Variants in RIPOR3 observed in about 807,000 individuals in gnomAD.
The protein encoded by RIPOR3 is RIPOR family member 3, also known as family with sequence similarity 65 member C.
RIPOR3 carries 95 observed loss-of-function variants against 114.3 expected under a neutral mutation model. The ratio of observed to expected loss-of-function variants is 0.83; its 90% CI spans 0.70 to 0.99. The LOEUF is 0.99. RIPOR3 is among the 50% of genes least tolerant of loss of function. The pLI is 0.00. For synonymous variants in RIPOR3, 575 were observed against 543.8 expected, an observed-to-expected ratio of 1.06 and a Z score of -0.80; for missense variants, 1,252 against 1,266.9, an observed-to-expected ratio of 0.99 and a Z score of 0.18.
In RIPOR3 at chr20:50,602,013, C is replaced by A. The variant is rs2083512429; in HGVS notation, c.1659+59G>T. ...GGCTGCGTGGCCCCAGAGCCCCCGACTCCCAGTCATCATGCCATCAGCAAA... is the reference window on the plus strand; with the variant it reads ...GGCTGCGTGGCCCCAGAGCCCCCGAATCCCAGTCATCATGCCATCAGCAAA... On this transcript the variant is annotated intron_variant, in intron 13 of 21. Coordinates refer to ENST00000327979, the MANE Select transcript of RIPOR3 (RefSeq NM_001290268.2). The surrounding 1 kb of genome is among the most constrained non-coding windows in gnomAD (Gnocchi z 4.3). 2.1e-6 allele frequency: 3 copies of A among 1,420,670 alleles called. No homozygotes were observed. Among genetic ancestry groups the A allele is most frequent in the Non-Finnish European group, 2.8e-6 (3 of 1,084,168 alleles). The allele number at this position is 1,420,670 out of a possible 1,614,324, so 88.0% of individuals were successfully genotyped here.
chr20:50,656,675 CT>C (rs2085823406), intron 1 of RIPOR3, among the ~76,000 whole-genome samples: 1 of 151,326 alleles, frequency 6.6e-6, no homozygotes, highest in South Asian at 2.1e-4. Context: ...AATTTTTGTA[CT>C]TTTAGTAGAG....
Position 50,587,298 on chromosome 20 carries a change from G to C in RIPOR3, c.2787C>G (p.Asp929Glu), listed in dbSNP as rs569970749. The C allele has an allele frequency of 1.4e-5, 22 of 1,614,206 alleles. No homozygotes were observed. The South Asian group carries it at 2.2e-4, about 16-fold the overall frequency. ...CTTCTCTTTGTTCTGAGCAGAGCTT[G>C]TCCATCTTCTCAAAAGCTAACCGTC... ...EKGRLAFEKM[D>E]KLCSEQREVF... Residue 929 changes from aspartate (D) to glutamate (E), a missense_variant, in exon 22 of 22, where the codon GAC becomes GAG. Coordinates refer to ENST00000327979, the MANE Select transcript of RIPOR3 (RefSeq NM_001290268.2).
intron 19 of RIPOR3, 66 bp downstream of exon 19, chr20:50,592,278 G>A: frequency 1.4e-6 from 2 of 1,453,142 alleles, no homozygotes; most frequent in Non-Finnish European, 1.8e-6. Flanking sequence ...TTTTCCATGA[G>A]AACACCAGCT....
At chr20:50,589,113 A>T (rs944047540) in intron 20 of RIPOR3, among the ~76,000 whole-genome samples, 3 of 137,918 alleles carry the variant, frequency 2.2e-5, no homozygotes, top group Non-Finnish European at 4.7e-5. Context: ...AAAAAAAAAA[A>T]GCTAAAGTGC....
chr20:50,648,519 TG>T (rs1424122131), intron 1 of RIPOR3, among the ~76,000 whole-genome samples: 1 of 128,542 alleles, frequency 7.8e-6, no homozygotes, highest in East Asian at 2.7e-4. Context: ...CTGACCAGGG[TG>T]GGGGTTGGGT....
At chr20:50,600,273 C>T (rs1260545807) in intron 13 of RIPOR3, among the ~76,000 whole-genome samples, 1 of 152,144 alleles carries the variant, frequency 6.6e-6, no homozygotes, top group East Asian at 1.9e-4. Context: ...CCAAAAACCA[C>T]GGTCTGTAAT....
rs941801771 is a variant in RIPOR3, at chr20:50,597,788, G to A, written c.1660-78C>T. ...CTGGGACACTGGCCAGGGGCCTCACGGCAGACTTGGGCAATGTCCCGGTCC... is the reference window on the plus strand; with the variant it reads ...CTGGGACACTGGCCAGGGGCCTCACAGCAGACTTGGGCAATGTCCCGGTCC... On this transcript the variant is annotated intron_variant, in intron 13 of 21. Transcript: ENST00000327979. 170 of 1,530,338 alleles carry A rather than the reference G, an allele frequency of 1.1e-4. No individual in the cohort carries two copies. In the South Asian group the frequency reaches 1.3e-3, roughly 12 times the overall value. The allele number at this position is 1,530,338 out of a possible 1,614,324, so 94.8% of individuals were successfully genotyped here.
At chr20:50,607,432 G>T (rs1404222103) in intron 11 of RIPOR3, among the ~76,000 whole-genome samples, 2 of 152,178 alleles carry the variant, frequency 1.3e-5, no homozygotes, top group Admixed American at 6.5e-5. Flanking sequence ...TTGCCTCGAA[G>T]AAACTTGCTT....
chr20:50,593,213 G>A lies in RIPOR3; in HGVS notation c.2213-17C>T. On this transcript the variant is annotated splice_polypyrimidine_tract_variant and intron_variant, in intron 17 of 21. Transcript: ENST00000327979. ...TGCGGCACGCTGGCCAAAGGGGAGA[G>A]TACATCAGGAGAAACTGAGACCTCG... 6.2e-7 allele frequency: 1 copy of A among 1,607,752 alleles called. No homozygotes were observed. Among genetic ancestry groups the A allele is most frequent in the Non-Finnish European group, 8.5e-7 (1 of 1,179,142 alleles).
intron 1 of RIPOR3, among the ~76,000 whole-genome samples, chr20:50,675,126 G>A (rs1046380091): frequency 2.0e-5 from 3 of 152,138 alleles, no homozygotes; most frequent in South Asian, 4.1e-4. Context: ...TGGTGCAGCC[G>A]CAAGCTGAGG....
chr20:50,621,301 GC>G (rs1220668542), intron 2 of RIPOR3, among the ~76,000 whole-genome samples: 1 of 152,274 alleles, frequency 6.6e-6, no homozygotes, highest in East Asian at 1.9e-4. Context: ...GCATCTGTTG[GC>G]TTTACCTGCC....
intron 1 of RIPOR3, among the ~76,000 whole-genome samples, chr20:50,679,509 G>A (rs900461288): frequency 1.3e-5 from 2 of 150,030 alleles, no homozygotes; most frequent in African/African-American, 4.9e-5. Context: ...TGTAATCCCA[G>A]CACTTTGGGA....
chr20:50,602,105 C>A lies in RIPOR3; in HGVS notation c.1626G>T (p.Glu542Asp). Residue 542 changes from glutamate to aspartate, a missense_variant, in exon 13 of 22, where the codon GAG (glutamate) becomes GAT (aspartate). By Grantham distance (45) the Glu-to-Asp change is conservative. Transcript: ENST00000327979. The surrounding 1 kb of genome is among the most constrained non-coding windows in gnomAD (Gnocchi z 4.3). The part of the protein sequence containing the change: ...DSTQPQLREL[E>D]YQVLGFRDRL... ...GGTCCCGGAAGCCGAGGACCTGGTA[C>A]TCCAGCTCCCGGAGCTGGGGCTGGG... 1 of 1,599,102 alleles carries A rather than the reference C, an allele frequency of 6.3e-7. No individual in the cohort carries two copies. Among genetic ancestry groups the A allele is most frequent in the Middle Eastern group, 1.7e-4 (1 of 5,924 alleles).
Position 50,596,262 on chromosome 20 carries a change from T to C in RIPOR3, c.1792A>G (p.Lys598Glu). The change falls in exon 15 of 22, where the codon AAG becomes GAG. Residue 598 changes from lysine to glutamate, a missense_variant and splice_region_variant. Physicochemically the swap from Lys to Glu is moderately conservative, Grantham distance 56. Transcript: ENST00000327979. Reference protein sequence around the residue: ...SLFGGSQGLRKDRPLPPPSSL... With the variant: ...SLFGGSQGLREDRPLPPPSSL... ...GACGGTGGGGGCAGGGGCCGGTCCT[T>C]TCTGAGTTGAATTGAGAACTGGGTG... 6.2e-7 allele frequency: 1 copy of C among 1,614,054 alleles called. No individual in the cohort carries two copies. Among genetic ancestry groups the C allele is most frequent in the Non-Finnish European group, 8.5e-7 (1 of 1,180,010 alleles).
intron 1 of RIPOR3, among the ~76,000 whole-genome samples, chr20:50,641,093 TAGAG>T (rs1285530643): frequency 6.6e-6 from 1 of 151,970 alleles, no homozygotes; most frequent in Non-Finnish European, 1.5e-5. Flanking sequence ...GTATTTTTAG[TAGAG>T]ACAGATTTTC....
intron 1 of RIPOR3, among the ~76,000 whole-genome samples, chr20:50,672,508 C>T (rs2086549094): frequency 6.6e-6 from 1 of 152,200 alleles, no homozygotes; most frequent in Non-Finnish European, 1.5e-5. Flanking sequence ...AGCTTGACAC[C>T]ACAGAGACAA....
chr20:50,689,331 A>G (rs1731405568), intron 1 of RIPOR3, among the ~76,000 whole-genome samples: 2 of 151,978 alleles, frequency 1.3e-5, no homozygotes, highest in African/African-American at 2.4e-5. Context: ...ACGCACCACC[A>G]CGGCCAGCTA....
In RIPOR3 at chr20:50,587,226, G is replaced by C. The variant is rs1324760986; in HGVS notation, c.*6C>G. 2 of 1,611,754 alleles carry C rather than the reference G, an allele frequency of 1.2e-6. No individual in the cohort carries two copies. The highest frequency in any genetic ancestry group is 2.7e-5 in the African/African-American group (2 of 74,878). On this transcript the variant is annotated 3_prime_UTR_variant, in exon 22 of 22. Transcript: ENST00000327979. Reference sequence around the variant, plus strand: ...TGTGAGATTTGTGCTCATCAGCCAGGATTTTTTAAAATATTGTGATTTCAA... The same window carrying C: ...TGTGAGATTTGTGCTCATCAGCCAGCATTTTTTAAAATATTGTGATTTCAA...
At chr20:50,647,325 G>GA (rs1170474233) in intron 1 of RIPOR3, among the ~76,000 whole-genome samples, 1 of 151,206 alleles carries the variant, frequency 6.6e-6, no homozygotes, top group Non-Finnish European at 1.5e-5. Flanking sequence ...CATCTCAAAA[G>GA]AAAAAAAAGA....
Sources: allele counts gnomAD v4.1 joint callset (sites outside exome capture counted in the v4.1 genomes callset), GRCh38; gene constraint gnomAD v4.1.1; non-coding constraint Gnocchi (gnomAD v3.1); transcripts MANE v1.5; gene names NCBI Gene and HGNC (gene_info 2026-07-23, HGNC 2026-07-21).